CDK9: variants seen among roughly 807,000 people sequenced by gnomAD.
The protein encoded by CDK9 is cyclin-dependent kinase 9.
In CDK9, 34 loss-of-function variants were observed where a neutral mutation model predicts 39.0. That is an observed-to-expected ratio of 0.87 (90% CI 0.66 to 1.16). The LOEUF (loss-of-function observed/expected upper bound fraction) is 1.16, where lower values mean the gene tolerates loss of function less well. CDK9 is among the 50% of genes most tolerant of loss of function. The probability of loss-of-function intolerance (pLI) is 0.00; values close to 1 mark genes in which losing one functional copy is unlikely to be tolerated. For missense variants in CDK9, 369 were observed against 503.2 expected, an observed-to-expected ratio of 0.73 and a Z score of 2.55; for synonymous variants, 233 against 196.2, an observed-to-expected ratio of 1.19 and a Z score of -1.57.
rs779676185 is a variant in CDK9, at chr9:127,788,727, C to T, written c.753+35C>T. On this transcript the variant is annotated intron_variant, in intron 6 of 6. Coordinates refer to ENST00000373264, the MANE Select transcript of CDK9 (RefSeq NM_001261.4). ...CCCGGTCCCCACGGGGTGCAGAGATCGAGGTCCCCCGGCAGAGGAGGAGTG... is the reference window on the plus strand; with the variant it reads ...CCCGGTCCCCACGGGGTGCAGAGATTGAGGTCCCCCGGCAGAGGAGGAGTG... 37 of 1,540,642 alleles carry T rather than the reference C, an allele frequency of 2.4e-5. No homozygotes were observed. In the South Asian group the frequency reaches 2.6e-4, roughly 11 times the overall value.
rs1405754879 is a variant in CDK9, at chr9:127,787,424, T to TG, written c.175-93dup. 6 of 756,982 alleles carry TG rather than the reference T, an allele frequency of 7.9e-6. No individual in the cohort carries two copies. The East Asian group carries it at 1.2e-4, about 16-fold the overall frequency. 46.9% of individuals were successfully genotyped at this position (756,982 alleles called of 1,614,324 possible). On this transcript the variant is annotated intron_variant, in intron 2 of 6. Transcript: ENST00000373264. Reference sequence around the variant, plus strand: ...CAGCTGGTTTCAGAGCCCATGATCTTGCTCTGTCTCCCAACTTGGCTGTCA... The same window carrying TG: ...CAGCTGGTTTCAGAGCCCATGATCTTGGCTCTGTCTCCCAACTTGGCTGTCA...
In CDK9 at chr9:127,786,073, T is replaced by TGCG. The variant is rs756969440; in HGVS notation, c.-65_-63dup. 8.1e-5 allele frequency: 88 copies of TGCG among 1,092,360 alleles called. No individual in the cohort carries two copies. Among genetic ancestry groups the TGCG allele is most frequent in the African/African-American group, 1.0e-4 (6 of 57,368 alleles). The allele number at this position is 1,092,360 out of a possible 1,614,324, so 67.7% of individuals were successfully genotyped here. On this transcript the variant is annotated 5_prime_UTR_variant, in exon 1 of 7. Coordinates refer to ENST00000373264, the MANE Select transcript of CDK9 (RefSeq NM_001261.4). The stretch of plus-strand genomic sequence containing the variant: ...GGCGCGGCCGCGGAGGGGCCTGGAG[T>TGCG]GCGGCGGCGGCGGGACCCGGAGCAG...
At chr9:127,786,874 G>C in intron 2 of CDK9, 92 bp downstream of exon 2, 2 of 1,003,510 alleles carry the variant, frequency 2.0e-6, no homozygotes, top group Non-Finnish European at 3.0e-6. Flanking sequence ...GTCTCAGGTT[G>C]AGATTTAATT....
intron 2 of CDK9, 150 bp downstream of exon 2, chr9:127,786,932 A>C: frequency 1.5e-6 from 1 of 648,180 alleles, no homozygotes; most frequent in Non-Finnish European, 2.7e-6. Context: ...TTCCACCCTA[A>C]AACTAAATGT....
rs995595809 is a variant in CDK9 at position 127,789,880 on chromosome 9, C to G, written c.*337C>G. ...CCTCACCCACCCACAATCCTATTCT[C>G]GGGCTGAGAACCCTGCGTGGGGACA... On this transcript the variant is annotated 3_prime_UTR_variant, in exon 7 of 7. Transcript: ENST00000373264. The surrounding 1 kb of genome is among the most constrained non-coding windows in gnomAD (Gnocchi z 5.2). The G allele has an allele frequency of 3.3e-6, 1 of 302,794 alleles. No individual in the cohort carries two copies. The allele number at this position is 302,794 out of a possible 1,614,324, so 18.8% of individuals were successfully genotyped here.
At chr9:127,787,874 AAAG>A in intron 3 of CDK9, 70 bp from the exon 4 acceptor site, 3 of 1,530,648 alleles carry the variant, frequency 2.0e-6, no homozygotes, top group Non-Finnish European at 1.8e-6. Flanking sequence ...GAGCAGGAAG[AAAG>A]AAGCTGGTTG....
At chr9:127,788,193 C>A (rs754778321) in intron 4 of CDK9, 21 bp from the exon 5 acceptor site, 1 of 1,613,460 alleles carries the variant, frequency 6.2e-7, no homozygotes, top group Non-Finnish European at 8.5e-7. Context: ...ACTAAAGGAC[C>A]CACTCTTGCC....
In CDK9 at chr9:127,786,194, G is replaced by A. The variant is rs1829309971; in HGVS notation, c.46G>A (p.Val16Ile). 10 of 1,610,516 alleles carry A rather than the reference G, an allele frequency of 6.2e-6. No homozygotes were observed. The highest frequency in any genetic ancestry group is 7.6e-6 in the Non-Finnish European group (9 of 1,178,788). The change falls in exon 1 of 7, where the codon GTT (valine) becomes ATT (isoleucine). Residue 16 changes from valine to isoleucine, a missense_variant. Val to Ile is a conservative substitution (Grantham distance 29). Transcript: ENST00000373264. ...DSVECPFCDEVSKYEKLAKIG... is the reference protein window; with the variant it reads ...DSVECPFCDEISKYEKLAKIG... ...GGTGGAGTGCCCTTTTTGTGATGAA[G>A]TTTCCAAATACGAGAAGCTCGCCAA...
chr9:127,789,160 A>G lies in CDK9; in HGVS notation c.754-18A>G, dbSNP rs1829384697. ...CCTGACCGGACTCCATATTCTCTCAACGCCCCCTCCCTCCCAGGTGTGGCC... is the reference window on the plus strand; with the variant it reads ...CCTGACCGGACTCCATATTCTCTCAGCGCCCCCTCCCTCCCAGGTGTGGCC... On this transcript the variant is annotated intron_variant, in intron 6 of 6. Coordinates refer to ENST00000373264, the MANE Select transcript of CDK9 (RefSeq NM_001261.4). The surrounding 1 kb of genome is among the most constrained non-coding windows in gnomAD (Gnocchi z 5.2). The G allele has an allele frequency of 2.6e-6, 4 of 1,545,256 alleles. No individual in the cohort carries two copies. The highest frequency in any genetic ancestry group is 1.2e-5 in the South Asian group (1 of 81,126).
chr9:127,788,187 A>C (rs1216081375), intron 4 of CDK9, 27 bp from the exon 5 acceptor site: 22 of 1,613,408 alleles, frequency 1.4e-5, no homozygotes, highest in Non-Finnish European at 1.8e-5. Flanking sequence ...GATGTCACTA[A>C]AGGACCCACT....
chr9:127,788,771 G>A (rs1829377364), intron 6 of CDK9, 79 bp downstream of exon 6: 4 of 1,401,074 alleles, frequency 2.9e-6, no homozygotes, highest in Non-Finnish European at 3.8e-6. Context: ...AATGGAAGGA[G>A]CGCTCCTCTC....
rs550907477 is a variant in CDK9, at chr9:127,789,677, G to A, written c.*134G>A. 1.2e-4 allele frequency: 140 copies of A among 1,194,486 alleles called. 1 individual carries two copies. The African/African-American group carries it at 1.9e-3, about 16-fold the overall frequency. 74.0% of individuals were successfully genotyped at this position (1,194,486 alleles called of 1,614,324 possible). On this transcript the variant is annotated 3_prime_UTR_variant, in exon 7 of 7. Transcript: ENST00000373264. This position sits in a 1 kb window ranked among gnomAD's most constrained non-coding sequence, Gnocchi z 5.2. ...ATCCCCACCCTGGGCTCTGGGAGCAGCCCGCTGAGTGGACTGGAGTGGAGC... is the reference window on the plus strand; with the variant it reads ...ATCCCCACCCTGGGCTCTGGGAGCAACCCGCTGAGTGGACTGGAGTGGAGC...
In CDK9 at chr9:127,788,343, C is replaced by A; in HGVS notation, c.562C>A (p.Arg188Ser). The A allele has an allele frequency of 6.2e-7, 1 of 1,613,128 alleles. No homozygotes were observed. The highest frequency in any genetic ancestry group is 8.5e-7 in the Non-Finnish European group (1 of 1,179,998). The change falls in exon 5 of 7, where the codon CGT (arginine) becomes AGT (serine). Residue 188 changes from arginine to serine, a missense_variant. Transcript: ENST00000373264. ...KNSQPNRYTNRVVTLWYRPPE... is the reference protein window; with the variant it reads ...KNSQPNRYTNSVVTLWYRPPE... ...CAGCCAGCCCAACCGCTACACCAACCGTGTGGTGACACTCTGGTACCGGCC... is the reference window on the plus strand; with the variant it reads ...CAGCCAGCCCAACCGCTACACCAACAGTGTGGTGACACTCTGGTACCGGCC...
chr9:127,788,497 G>A lies in CDK9; in HGVS notation c.605-47G>A. On this transcript the variant is annotated intron_variant, in intron 5 of 6. Transcript: ENST00000373264. ...CCGGCCCTGGGGCATTGAGCCTCAG[G>A]AGGCCCTCGGGCTCAAGGGGCCCTC... is the stretch of plus-strand genomic sequence containing the variant. 2 of 1,531,036 alleles carry A rather than the reference G, an allele frequency of 1.3e-6. 1 individual carries two copies. Among genetic ancestry groups the A allele is most frequent in the South Asian group, 2.4e-5 (2 of 81,932 alleles). 94.8% of individuals were successfully genotyped at this position (1,531,036 alleles called of 1,614,324 possible). A position where few individuals can be genotyped will look rare whatever the true frequency, so the allele number is the denominator to read the frequency against.
chr9:127,786,564 G>A (rs1174787698), intron 1 of CDK9, 137 bp from the exon 2 acceptor site: 25 of 724,402 alleles, frequency 3.5e-5, no homozygotes, highest in Non-Finnish European at 5.7e-5. Flanking sequence ...GGGTGGCGGG[G>A]TAGCCGCGTG....
rs1426836717 is a variant in CDK9 at position 127,789,455 on chromosome 9, G to A, written c.1031G>A (p.Arg344Gln). Residue 344 changes from arginine (R) to glutamine (Q), a missense_variant, in exon 7 of 7, where the codon CGG becomes CAG. Physicochemically the swap from Arg to Gln is conservative, Grantham distance 43. Coordinates refer to ENST00000373264, the MANE Select transcript of CDK9 (RefSeq NM_001261.4). The surrounding 1 kb of genome is among the most constrained non-coding windows in gnomAD (Gnocchi z 5.2). The part of the protein sequence containing the change: ...SMFEYLAPPR[R>Q]KGSQITQQST... ...TTCGAGTACTTGGCACCACCGCGCC[G>A]GAAGGGCAGCCAGATCACCCAGCAG... The A allele has an allele frequency of 1.2e-6, 2 of 1,614,100 alleles. No individual in the cohort carries two copies. Among genetic ancestry groups the A allele is most frequent in the Non-Finnish European group, 1.7e-6 (2 of 1,180,026 alleles).
In CDK9 at chr9:127,788,160, G is replaced by A. The variant is rs372545692; in HGVS notation, c.432+47G>A. On this transcript the variant is annotated intron_variant, in intron 4 of 6. Coordinates refer to ENST00000373264, the MANE Select transcript of CDK9 (RefSeq NM_001261.4). Reference sequence around the variant, plus strand: ...AGGACCCAGGCTTGGGCTGGTCTTGGCTCCCACTCCCGGGTGGATGTCACT... The same window carrying A: ...AGGACCCAGGCTTGGGCTGGTCTTGACTCCCACTCCCGGGTGGATGTCACT... The A allele has an allele frequency of 1.9e-6, 3 of 1,613,392 alleles. No homozygotes were observed. In the African/African-American group the frequency reaches 4.0e-5, roughly 22 times the overall value.
rs1452179756 is a variant in CDK9, at chr9:127,789,604, G to T, written c.*61G>T. ...TTTCTTCTGCTATGTGACTTGCATC[G>T]TGGAGACAGGGCATTTGAGTTTATA... On this transcript the variant is annotated 3_prime_UTR_variant, in exon 7 of 7. Transcript: ENST00000373264. This position sits in a 1 kb window ranked among gnomAD's most constrained non-coding sequence, Gnocchi z 5.2. 1.3e-6 allele frequency: 2 copies of T among 1,565,108 alleles called. No homozygotes were observed. The highest frequency in any genetic ancestry group is 1.8e-5 in the Admixed American group (1 of 55,414).
At position 127,790,723 on chromosome 9, in the gene CDK9, A is replaced by G. The variant is rs2131830619; in HGVS notation, c.*1180A>G. The stretch of plus-strand genomic sequence containing the variant: ...GAAGGTTGGCAAAACCTTTGACCAG[A>G]ACTGTCCTTCATTTACAGAAACTGA... On this transcript the variant is annotated 3_prime_UTR_variant, in exon 7 of 7. Transcript: ENST00000373264. 6.6e-6 allele frequency: 1 copy of G among 152,246 alleles called. No individual in the cohort carries two copies. The highest frequency in any genetic ancestry group is 1.5e-5 in the Non-Finnish European group (1 of 68,016). The allele number at this position is 152,246 out of a possible 1,614,324, so 9.4% of individuals were successfully genotyped here.
Sources: allele counts gnomAD v4.1 joint callset, GRCh38; gene constraint gnomAD v4.1.1; non-coding constraint Gnocchi (gnomAD v3.1); transcripts MANE v1.5; gene names NCBI Gene and HGNC (gene_info 2026-07-23, HGNC 2026-07-21).